UGT1A3: variants seen among roughly 807,000 people sequenced by gnomAD.
UGT1A3 encodes the protein UDP glucuronosyltransferase family 1 member A3, also known as UDP-glucuronosyltransferase 1A3.
Under a neutral mutation model 41.0 loss-of-function variants are expected in UGT1A3, and 31 were observed. That is an observed-to-expected ratio of 0.76 (90% CI 0.57 to 1.02). The LOEUF (loss-of-function observed/expected upper bound fraction) is 1.02. UGT1A3 is among the 50% of genes least tolerant of loss of function. UGT1A3 has a pLI of 0.00. For synonymous variants in UGT1A3, 262 were observed against 257.6 expected, an observed-to-expected ratio of 1.02 and a Z score of -0.17; for missense variants, 737 against 671.0, an observed-to-expected ratio of 1.10 and a Z score of -1.09.
rs1407521990 is a variant in UGT1A3 at position 233,743,186 on chromosome 2, A to T, written c.867+13193A>T. On this transcript the variant is annotated intron_variant, in intron 1 of 4. Coordinates refer to ENST00000482026, the MANE Select transcript of UGT1A3 (RefSeq NM_019093.4). ...GTGCTTAAAGTCAAATGTGGACTGG[A>T]ATTACTTGGTGTCAATGCGGAGTAA... 4.3e-5 allele frequency: 16 copies of T among 372,810 alleles called. No individual in the cohort carries two copies. The East Asian group carries it at 1.2e-3, about 27-fold the overall frequency. The allele number at this position is 372,810 out of a possible 1,614,324, so 23.1% of individuals were successfully genotyped here.
At chr2:233,739,831 CAT>C (rs1185061453) in intron 1 of UGT1A3, among the ~76,000 whole-genome samples, 1 of 151,958 alleles carries the variant, frequency 6.6e-6, no homozygotes, top group Non-Finnish European at 1.5e-5. Context: ...TGTGAAAAGA[CAT>C]GAGATTTGGG....
chr2:233,768,319 G>A lies in UGT1A3; in HGVS notation c.1187G>A (p.Gly396Asp), dbSNP rs367897068. The A allele has an allele frequency of 6.2e-7, 1 of 1,614,162 alleles. No homozygotes were observed. Among genetic ancestry groups the A allele is most frequent in the Non-Finnish European group, 8.5e-7 (1 of 1,180,044 alleles). The change falls in exon 4 of 5, where the codon GGT (glycine) becomes GAT (aspartate). Residue 396 changes from glycine (G) to aspartate (D), a missense_variant. Gly to Asp is a moderately conservative substitution (Grantham distance 94). Transcript: ENST00000482026. ...CCCATGGTGATGATGCCCTTGTTTG[G>A]TGATCAGATGGACAATGCAAAGCGC... ...GVPMVMMPLF[G>D]DQMDNAKRME...
chr2:233,760,472 C>G lies in UGT1A3; in HGVS notation c.868-6562C>G, dbSNP rs1344623676. 2 of 1,614,230 alleles carry G rather than the reference C, an allele frequency of 1.2e-6. No individual in the cohort carries two copies. The highest frequency in any genetic ancestry group is 1.7e-6 in the Non-Finnish European group (2 of 1,180,034). ...GGACATGAAATAGTTGTCCTAGCACCTGACGCCTCGTTGTACATCAGAGAC... is the reference window on the plus strand; with the variant it reads ...GGACATGAAATAGTTGTCCTAGCACGTGACGCCTCGTTGTACATCAGAGAC... On this transcript the variant is annotated intron_variant, in intron 1 of 4. Coordinates refer to ENST00000482026, the MANE Select transcript of UGT1A3 (RefSeq NM_019093.4).
intron 1 of UGT1A3, among the ~76,000 whole-genome samples, chr2:233,750,888 T>C (rs577435588): frequency 6.6e-6 from 1 of 152,002 alleles, no homozygotes; most frequent in South Asian, 2.1e-4. Context: ...GGAGCCCTTA[T>C]AGAGAACCTC....
At chr2:233,761,167 G>A in intron 1 of UGT1A3, 1 of 1,614,098 alleles carries the variant, frequency 6.2e-7, no homozygotes. Context: ...TATTGGAGTG[G>A]GACTTTTACA....
rs145912061 is a variant in UGT1A3 at position 233,761,006 on chromosome 2, G to A, written c.868-6028G>A. The A allele has an allele frequency of 8.7e-6, 14 of 1,614,158 alleles. No individual in the cohort carries two copies. The highest frequency in any genetic ancestry group is 1.2e-5 in the Non-Finnish European group (14 of 1,180,024). ...ACCCTTGCCTCAGAATTCCTTCAGAGAGAGGTGACTGTCCAGGACCTATTG... is the reference window on the plus strand; with the variant it reads ...ACCCTTGCCTCAGAATTCCTTCAGAAAGAGGTGACTGTCCAGGACCTATTG... On this transcript the variant is annotated intron_variant, in intron 1 of 4. Transcript: ENST00000482026.
chr2:233,732,686 C>T (rs1472057155), intron 1 of UGT1A3, among the ~76,000 whole-genome samples: 1 of 151,722 alleles, frequency 6.6e-6, no homozygotes, highest in African/African-American at 2.4e-5. Flanking sequence ...GGTACCAGCA[C>T]CCATGCTGTT....
At chr2:233,736,574 T>G (rs2078777492) in intron 1 of UGT1A3, among the ~76,000 whole-genome samples, 2 of 152,254 alleles carry the variant, frequency 1.3e-5, no homozygotes, top group South Asian at 4.1e-4. Flanking sequence ...GCTGTGATCC[T>G]TTGGAGGAGA....
intron 1 of UGT1A3, among the ~76,000 whole-genome samples, chr2:233,737,048 T>C (rs764914717): frequency 2.0e-5 from 3 of 152,226 alleles, no homozygotes; most frequent in Admixed American, 6.5e-5. Flanking sequence ...AATGCCATAC[T>C]AGGAGAACGA....
At chr2:233,747,731 G>A in intron 1 of UGT1A3, 1 of 1,612,808 alleles carries the variant, frequency 6.2e-7, no homozygotes, top group South Asian at 1.1e-5. Flanking sequence ...TGTTTTTTTT[G>A]AGGAACATTC....
intron 1 of UGT1A3, among the ~76,000 whole-genome samples, chr2:233,765,522 C>T (rs1046114337): frequency 3.9e-5 from 6 of 151,992 alleles, no homozygotes; most frequent in East Asian, 1.9e-4. Flanking sequence ...AATCAAACAC[C>T]GCATGTTCTC....
chr2:233,746,004 G>A (rs1693275700), intron 1 of UGT1A3, among the ~76,000 whole-genome samples: 1 of 151,648 alleles, frequency 6.6e-6, no homozygotes, highest in Non-Finnish European at 1.5e-5. Context: ...GAGAGACAGT[G>A]GTAGAAACAT....
intron 1 of UGT1A3, chr2:233,755,168 T>C (rs1695794635): frequency 1.6e-6 from 2 of 1,266,444 alleles, no homozygotes; most frequent in Non-Finnish European, 1.1e-6. Flanking sequence ...CCTCGGGGTT[T>C]TTGTCGGGGT....
At position 233,772,381 on chromosome 2, in the gene UGT1A3, G is replaced by A. The variant is rs150687296; in HGVS notation, c.1427G>A (p.Arg476His). 6.8e-6 allele frequency: 11 copies of A among 1,614,106 alleles called. No individual in the cohort carries two copies. Among genetic ancestry groups the A allele is most frequent in the Middle Eastern group, 1.6e-4 (1 of 6,084 alleles). Residue 476 changes from arginine (R) to histidine (H), a missense_variant, in exon 5 of 5, where the codon CGC becomes CAC. Transcript: ENST00000482026. The stretch of plus-strand genomic sequence containing the variant: ...AGGCACAAGGGCGCGCCACACCTGC[G>A]CCCCGCAGCCCACGACCTCACCTGG... ...VMRHKGAPHL[R>H]PAAHDLTWYQ...
chr2:233,738,914 G>A (rs1053484676), intron 1 of UGT1A3: 2 of 152,216 alleles, frequency 1.3e-5, no homozygotes, highest in Non-Finnish European at 2.9e-5. Flanking sequence ...CCCATCACAG[G>A]CCTGGAGGCC....
At chr2:233,732,949 A>G (rs1182362779) in intron 1 of UGT1A3, among the ~76,000 whole-genome samples, 5 of 152,116 alleles carry the variant, frequency 3.3e-5, no homozygotes, top group African/African-American at 1.2e-4. Flanking sequence ...TGAGCATGGA[A>G]TGTTCTTCCA....
intron 1 of UGT1A3, among the ~76,000 whole-genome samples, chr2:233,757,279 A>T (rs1159492481): frequency 7.8e-6 from 1 of 127,878 alleles, no homozygotes; most frequent in Admixed American, 8.4e-5. Context: ...GCAATGATTC[A>T]GAAGGGACAG....
intron 1 of UGT1A3, chr2:233,752,552 G>A (rs942776893): frequency 6.6e-6 from 1 of 152,002 alleles, no homozygotes; most frequent in South Asian, 2.1e-4. Context: ...GCTCTTGCTG[G>A]GACAACATAG....
chr2:233,744,270 A>G (rs1372853090), intron 1 of UGT1A3, among the ~76,000 whole-genome samples: 1 of 151,776 alleles, frequency 6.6e-6, no homozygotes, highest in Non-Finnish European at 1.5e-5. Flanking sequence ...TTCTTAAAGT[A>G]GGCTTTATAT....
Sources: gnomAD v4.1 joint callset for allele counts (sites outside exome capture counted in the v4.1 genomes callset) on GRCh38, gnomAD v4.1.1 for gene constraint, MANE v1.5 for transcripts, NCBI Gene and HGNC (gene_info 2026-07-23, HGNC 2026-07-21) for gene names.